The following FGF1 variants were observed in gnomAD, a reference collection of about 807,000 sequenced individuals.
The protein encoded by FGF1 is fibroblast growth factor 1.
FGF1 carries 9 observed loss-of-function variants against 13.4 expected under a neutral mutation model. The observed-to-expected ratio is 0.67, with a 90% CI of 0.40 to 1.17. The LOEUF (loss-of-function observed/expected upper bound fraction) is 1.17, where lower values mean the gene tolerates loss of function less well. Among genes scored for constraint, FGF1 ranks in the 50% most tolerant of loss-of-function variants. FGF1 has a pLI of 0.01. For synonymous variants in FGF1, 93 were observed against 79.0 expected, an observed-to-expected ratio of 1.18 and a Z score of -0.94; for missense variants, 156 against 192.7, an observed-to-expected ratio of 0.81 and a Z score of 1.13.
At chr5:142,612,371 C>A (rs1372228642) in intron 2 of FGF1, among the ~76,000 whole-genome samples, 1 of 152,134 alleles carries the variant, frequency 6.6e-6, no homozygotes, top group East Asian at 1.9e-4. Flanking sequence ...AGCTTAACCC[C>A]AAGGAACATA....
intron 3 of FGF1, among the ~76,000 whole-genome samples, chr5:142,596,558 C>T (rs538911361): frequency 6.9e-6 from 1 of 145,296 alleles, no homozygotes; most frequent in Non-Finnish European, 1.5e-5. Flanking sequence ...GTCTGGGCAA[C>T]ATAGCAAGAC....
chr5:142,647,924 A>C (rs1302330247), intron 1 of FGF1, among the ~76,000 whole-genome samples: 1 of 152,106 alleles, frequency 6.6e-6, no homozygotes. Flanking sequence ...TCTATACTAA[A>C]AGTACAAAAG....
At chr5:142,640,087 CAT>C (rs1481936391) in intron 1 of FGF1, among the ~76,000 whole-genome samples, 5 of 151,874 alleles carry the variant, frequency 3.3e-5, no homozygotes, top group Non-Finnish European at 7.3e-5. Flanking sequence ...TGGAATGAAT[CAT>C]ATGTATTTTC....
At chr5:142,648,212 G>A (rs1396737311) in intron 1 of FGF1, among the ~76,000 whole-genome samples, 5 of 152,156 alleles carry the variant, frequency 3.3e-5, no homozygotes, top group Non-Finnish European at 7.3e-5. Context: ...ACACACGTAT[G>A]TTTATTGCAG....
chr5:142,662,303 G>A (rs1040231107), intron 1 of FGF1, among the ~76,000 whole-genome samples: 3 of 152,136 alleles, frequency 2.0e-5, no homozygotes, highest in African/African-American at 4.8e-5. Context: ...TTCTCACCTC[G>A]TTCACTAATA....
chr5:142,610,428 G>A (rs981333170), intron 2 of FGF1, among the ~76,000 whole-genome samples: 3 of 152,170 alleles, frequency 2.0e-5, no homozygotes, highest in Non-Finnish European at 2.9e-5. Flanking sequence ...TTATAACCCT[G>A]AGGACAGCTG....
upstream of FGF1, among the ~76,000 whole-genome samples, chr5:142,687,206 C>T (rs1003298727): frequency 6.6e-6 from 1 of 152,118 alleles, no homozygotes; most frequent in Non-Finnish European, 1.5e-5. Flanking sequence ...TACAGATCGA[C>T]CTGTCAGAAC....
At chr5:142,619,512 A>G (rs934996281) in intron 1 of FGF1, among the ~76,000 whole-genome samples, 1 of 152,232 alleles carries the variant, frequency 6.6e-6, no homozygotes, top group African/African-American at 2.4e-5. Flanking sequence ...TAAGTCAAAT[A>G]TACATGTTAA....
At chr5:142,681,500 G>A (rs147907313) in intron 1 of FGF1, among the ~76,000 whole-genome samples, 1 of 152,290 alleles carries the variant, frequency 6.6e-6, no homozygotes, top group East Asian at 1.9e-4. Flanking sequence ...CCCAATCCCA[G>A]AGGCTATGGG....
At chr5:142,678,850 C>T (rs1162194884) in intron 1 of FGF1, among the ~76,000 whole-genome samples, 1 of 152,196 alleles carries the variant, frequency 6.6e-6, no homozygotes, top group Non-Finnish European at 1.5e-5. Flanking sequence ...AGGAGAGTCC[C>T]TATTCAGACC....
chr5:142,646,414 G>A (rs553911908), intron 1 of FGF1, among the ~76,000 whole-genome samples: 39 of 151,204 alleles, frequency 2.6e-4, no homozygotes, highest in Middle Eastern at 3.4e-3. Flanking sequence ...GCAGTGGCGC[G>A]CAATCTCGGC....
At chr5:142,608,542 CTATATATATATATA>C (rs369107817) in intron 2 of FGF1, among the ~76,000 whole-genome samples, 1,000 of 75,974 alleles carry the variant, frequency 0.013, 19 homozygotes, top group Non-Finnish European at 0.017. Context: ...ATATACACAT[CTATATATATATATA>C]TATATATATA....
At chr5:142,602,557 C>T (rs1448656842) in intron 2 of FGF1, among the ~76,000 whole-genome samples, 1 of 152,146 alleles carries the variant, frequency 6.6e-6, no homozygotes, top group Non-Finnish European at 1.5e-5. Flanking sequence ...TGAAAAGCTT[C>T]GTTCTGGAGT....
intron 2 of FGF1, among the ~76,000 whole-genome samples, chr5:142,603,205 A>T (rs140629975): frequency 3.8e-4 from 58 of 152,170 alleles, no homozygotes; most frequent in African/African-American, 1.3e-3. Context: ...ATTAAACTTC[A>T]AACTTTCCCT....
intron 2 of FGF1, among the ~76,000 whole-genome samples, chr5:142,608,039 A>G (rs1287942325): frequency 6.6e-6 from 1 of 152,228 alleles, no homozygotes; most frequent in African/African-American, 2.4e-5. Flanking sequence ...AGAAAAAAGG[A>G]AAAAGGGTTA....
chr5:142,614,284 C>A, intron 1 of FGF1, 123 bp from the exon 2 acceptor site: 1 of 704,468 alleles, frequency 1.4e-6, no homozygotes, highest in Non-Finnish European at 2.3e-6. Context: ...ACAGCCTGCC[C>A]AGGTGATGCC....
At chr5:142,658,350 T>A (rs934658536) in intron 1 of FGF1, among the ~76,000 whole-genome samples, 3 of 152,262 alleles carry the variant, frequency 2.0e-5, no homozygotes, top group Non-Finnish European at 4.4e-5. Context: ...AACATGGCCA[T>A]CCTTGGCTTC....
At position 142,614,174 on chromosome 5, in the gene FGF1, G is replaced by T; in HGVS notation, c.-34-13C>A. 1.9e-6 allele frequency: 3 copies of T among 1,604,370 alleles called. No individual in the cohort carries two copies. Among genetic ancestry groups the T allele is most frequent in the South Asian group, 1.1e-5 (1 of 90,398 alleles). ...GGCGCTTTCAAGACTGTAAGAAATT[G>T]AACAAACCTGTAGTCGGTTCTTCCA... On this transcript the variant is annotated splice_polypyrimidine_tract_variant and intron_variant, in intron 1 of 3. Coordinates refer to ENST00000337706, the MANE Select transcript of FGF1 (RefSeq NM_000800.5).
chr5:142,653,608 C>T (rs1037632006), intron 1 of FGF1, among the ~76,000 whole-genome samples: 2 of 152,196 alleles, frequency 1.3e-5, no homozygotes, highest in East Asian at 1.9e-4. Flanking sequence ...CCCCCTACAG[C>T]GAATTAACCC....
Sources: allele counts gnomAD v4.1 joint callset (sites outside exome capture counted in the v4.1 genomes callset), GRCh38; gene constraint gnomAD v4.1.1; transcripts MANE v1.5; gene names NCBI Gene and HGNC (gene_info 2026-07-23, HGNC 2026-07-21).